Variants in ASB15 observed in about 807,000 individuals in gnomAD.
ASB15 encodes the protein ankyrin repeat and SOCS box protein 15.
ASB15 carries 54 observed loss-of-function variants against 58.0 expected under a neutral mutation model. That is an observed-to-expected ratio of 0.93 (90% CI 0.75 to 1.17). The LOEUF is 1.17. ASB15 is among the 50% of genes most tolerant of loss of function. The pLI, the probability that ASB15 is intolerant of heterozygous loss-of-function variation, is 0.00. For missense variants in ASB15, 680 were observed against 707.4 expected (o/e 0.96, Z 0.44); for synonymous variants, 249 against 262.4 (o/e 0.95, Z 0.50).
chr7:123,598,690 A>C (rs149235249), upstream of ASB15: 401 of 152,350 alleles, frequency 2.6e-3, 3 homozygotes, highest in African/African-American at 9.3e-3. Context: ...TGAACTTTGA[A>C]ACCCCTAACT....
At position 123,629,248 on chromosome 7, in the gene ASB15, C is replaced by A. The variant is rs200113553; in HGVS notation, c.1254C>A (p.Phe418Leu). ...CYFMHVNDTR[F>L]PSVIQYALND... is the part of the protein sequence containing the mutation. ...TTATGCATGTGAATGACACTCGTTTCCCCAGTGTCATTCAATATGCTCTAA... is the reference window on the plus strand; with the variant it reads ...TTATGCATGTGAATGACACTCGTTTACCCAGTGTCATTCAATATGCTCTAA... The change falls in exon 10 of 12, where the codon TTC (phenylalanine) becomes TTA (leucine). Residue 418 changes from phenylalanine to leucine, a missense_variant. Phe to Leu is a conservative substitution (Grantham distance 22). Coordinates refer to ENST00000451215, the MANE Select transcript of ASB15 (RefSeq NM_001290258.2). The A allele has an allele frequency of 5.9e-5, 96 of 1,613,706 alleles. No individual in the cohort carries two copies. Among genetic ancestry groups the A allele is most frequent in the Non-Finnish European group, 1.4e-5 (16 of 1,179,774 alleles).
upstream of ASB15, among the ~76,000 whole-genome samples, chr7:123,601,587 T>C (rs1799882510): frequency 6.6e-6 from 1 of 152,192 alleles, no homozygotes; most frequent in African/African-American, 2.4e-5. Context: ...TTTGGTTTTG[T>C]TCCATCAGTA....
chr7:123,585,193 A>C (rs1290920769), intron 1 of ASB15, among the ~76,000 whole-genome samples: 1 of 151,810 alleles, frequency 6.6e-6, no homozygotes, highest in African/African-American at 2.4e-5. Flanking sequence ...ATAATCTTGC[A>C]TTTGAATTTT....
At chr7:123,587,554 G>T (rs1385631038) in intron 1 of ASB15, among the ~76,000 whole-genome samples, 1 of 151,040 alleles carries the variant, frequency 6.6e-6, no homozygotes, top group Non-Finnish European at 1.5e-5. Flanking sequence ...TTTCCTAATT[G>T]CTCTGGTGAG....
In ASB15 at chr7:123,636,928, T is replaced by C. The variant is rs369545174; in HGVS notation, c.1714T>C (p.Tyr572His). The change falls in exon 12 of 12, where the codon TAC becomes CAC. Residue 572 changes from tyrosine (Y) to histidine (H), a missense_variant. Transcript: ENST00000451215. ...KLPLPPAIQR[Y>H]ILFKEYDLYG... ...TCCTCTACCACCAGCTATTCAAAGA[T>C]ACATATTATTTAAAGAGTATGATCT... The C allele has an allele frequency of 7.6e-6, 12 of 1,585,236 alleles. No homozygotes were observed. The highest frequency in any genetic ancestry group is 2.2e-5 in the East Asian group (1 of 44,732).
rs775990705 is a variant in ASB15, at chr7:123,629,963, C to G, written c.1441-3C>G. On this transcript the variant is annotated splice_region_variant and splice_polypyrimidine_tract_variant and intron_variant, in intron 10 of 11. Transcript: ENST00000451215. ...CTAAATTAAATTTTATCAATTCTCT[C>G]AGTTCTGTGAGTTTATTACAGTTCC... The G allele has an allele frequency of 1.4e-5, 22 of 1,560,008 alleles. No individual in the cohort carries two copies. The highest frequency in any genetic ancestry group is 1.8e-5 in the Non-Finnish European group (21 of 1,142,778).
intron 8 of ASB15, among the ~76,000 whole-genome samples, chr7:123,625,820 G>A (rs950652670): frequency 3.3e-5 from 5 of 152,148 alleles, no homozygotes; most frequent in African/African-American, 4.8e-5. Context: ...CTCTAGAACC[G>A]CATGATCCCC....
intron 1 of ASB15, among the ~76,000 whole-genome samples, chr7:123,569,227 T>C (rs1798838385): frequency 1.3e-5 from 2 of 152,188 alleles, no homozygotes; most frequent in African/African-American, 4.8e-5. Context: ...AATGGCAATC[T>C]TGGCAACATC....
At chr7:123,625,988 A>G (rs533941926) in intron 8 of ASB15, among the ~76,000 whole-genome samples, 1 of 152,308 alleles carries the variant, frequency 6.6e-6, no homozygotes, top group South Asian at 2.1e-4. Flanking sequence ...AGCTCTCACC[A>G]TAAGCAGCAG....
chr7:123,627,989 T>C (rs1562939284), intron 9 of ASB15, among the ~76,000 whole-genome samples: 1 of 152,218 alleles, frequency 6.6e-6, no homozygotes, highest in Non-Finnish European at 1.5e-5. Flanking sequence ...GACATGTTGT[T>C]AGAGTTTACC....
At chr7:123,632,547 C>T (rs1245685928) in intron 11 of ASB15, among the ~76,000 whole-genome samples, 1 of 152,146 alleles carries the variant, frequency 6.6e-6, no homozygotes, top group Non-Finnish European at 1.5e-5. Context: ...CACCCATCAC[C>T]TAAGCAGTGT....
rs562668767 is a variant in ASB15, at chr7:123,630,268, G to A, written c.1594+149G>A. ...TAAAATCATCCTTAACACTTCCTCT[G>A]TTGTAAGATACATATTTTCATTTTT... On this transcript the variant is annotated intron_variant, in intron 11 of 11. Coordinates refer to ENST00000451215, the MANE Select transcript of ASB15 (RefSeq NM_001290258.2). 15 of 557,948 alleles carry A rather than the reference G, an allele frequency of 2.7e-5. No homozygotes were observed. The East Asian group carries it at 4.6e-4, about 17-fold the overall frequency. The allele number at this position is 557,948 out of a possible 1,614,324, so 34.6% of individuals were successfully genotyped here.
intron 1 of ASB15, among the ~76,000 whole-genome samples, chr7:123,574,208 CT>C (rs77390713): frequency 3.9e-4 from 56 of 142,388 alleles, no homozygotes; most frequent in East Asian, 3.9e-3. Flanking sequence ...CTTTTTTTTT[CT>C]TTTTTTTTTT....
intron 3 of ASB15, among the ~76,000 whole-genome samples, chr7:123,611,357 C>T (rs971301922): frequency 2.0e-5 from 3 of 152,068 alleles, no homozygotes. Context: ...TGCAGTGGCG[C>T]GATCTCGGCT....
At chr7:123,591,650 A>G (rs993604635) in intron 1 of ASB15, among the ~76,000 whole-genome samples, 3 of 152,114 alleles carry the variant, frequency 2.0e-5, no homozygotes, top group Non-Finnish European at 4.4e-5. Context: ...GGATGAAGCC[A>G]ACTTGATCGT....
chr7:123,579,896 G>T, intron 1 of ASB15, among the ~76,000 whole-genome samples: 1 of 151,998 alleles, frequency 6.6e-6, no homozygotes, highest in East Asian at 1.9e-4. Context: ...TAGGTCTCTA[G>T]GTTTTCAATT....
At chr7:123,631,419 T>C (rs978077959) in intron 11 of ASB15, among the ~76,000 whole-genome samples, 1 of 152,234 alleles carries the variant, frequency 6.6e-6, no homozygotes, top group Non-Finnish European at 1.5e-5. Context: ...CTGAAATGTA[T>C]ATGTACAGTG....
At chr7:123,619,002 C>T (rs372759873) in intron 7 of ASB15, among the ~76,000 whole-genome samples, 10 of 151,722 alleles carry the variant, frequency 6.6e-5, no homozygotes, top group South Asian at 2.1e-4. Context: ...GGTGAAACCC[C>T]GTCTCTACTA....
At chr7:123,629,466 T>C (rs1245171496) in intron 10 of ASB15, 32 bp downstream of exon 10, 1 of 1,486,056 alleles carries the variant, frequency 6.7e-7, no homozygotes, top group East Asian at 2.3e-5. Flanking sequence ...TTATATTGAG[T>C]TATCATCCTA....
Sources: gnomAD v4.1 joint callset for allele counts (sites outside exome capture counted in the v4.1 genomes callset) on GRCh38, gnomAD v4.1.1 for gene constraint, MANE v1.5 for transcripts, NCBI Gene and HGNC (gene_info 2026-07-23, HGNC 2026-07-21) for gene names.